ANXA3: variants seen among roughly 807,000 people sequenced by gnomAD.
ANXA3 encodes the protein annexin A3.
Under a neutral mutation model 48.8 loss-of-function variants are expected in ANXA3, and 46 were observed. The ratio of observed to expected loss-of-function variants is 0.94; its 90% CI spans 0.74 to 1.21. ANXA3 has a LOEUF of 1.21. Ranked by LOEUF, ANXA3 falls within the 50% of genes most tolerant of loss-of-function variation. The pLI, the probability that ANXA3 is intolerant of heterozygous loss-of-function variation, is 0.00. For synonymous variants in ANXA3, 128 were observed against 134.7 expected (o/e 0.95, Z 0.35); for missense variants, 383 against 378.6 (o/e 1.01, Z -0.10).
Position 78,573,019 on chromosome 4 carries a change from T to A in ANXA3, c.16-161T>A, listed in dbSNP as rs983121605. 4 of 742,852 alleles carry A rather than the reference T, an allele frequency of 5.4e-6. No homozygotes were observed. In the South Asian group the frequency reaches 5.5e-5, roughly 10 times the overall value. The allele number at this position is 742,852 out of a possible 1,614,324, so 46.0% of individuals were successfully genotyped here. ...CCATGTCAGATTTCTCTTACTGTCA[T>A]AATTTTCCAAAGGCAATTTCAGAGC... On this transcript the variant is annotated intron_variant, in intron 2 of 12. Coordinates refer to ENST00000264908, the MANE Select transcript of ANXA3 (RefSeq NM_005139.3).
intron 6 of ANXA3, among the ~76,000 whole-genome samples, chr4:78,591,015 T>C (rs116098390): frequency 4.9e-4 from 74 of 152,306 alleles, no homozygotes; most frequent in African/African-American, 1.7e-3. Context: ...AGTTCACATG[T>C]AAGGCAGTTG....
intron 11 of ANXA3, 151 bp from the exon 12 acceptor site, chr4:78,604,126 G>A (rs1406286641): frequency 2.8e-6 from 2 of 704,318 alleles, no homozygotes; most frequent in Non-Finnish European, 4.2e-6. Context: ...AATATTTCTT[G>A]AATAATGAAT....
intron 2 of ANXA3, among the ~76,000 whole-genome samples, chr4:78,557,392 C>T (rs139316182): frequency 8.2e-4 from 125 of 152,294 alleles, no homozygotes; most frequent in Non-Finnish European, 1.1e-3. Context: ...ACGGGCTAAT[C>T]CCTGTGTTTT....
intron 2 of ANXA3, among the ~76,000 whole-genome samples, chr4:78,571,580 A>T (rs1722841449): frequency 6.6e-6 from 1 of 152,218 alleles, no homozygotes; most frequent in Non-Finnish European, 1.5e-5. Context: ...AGAGAGCCAA[A>T]ATGAACCCAT....
intron 5 of ANXA3, among the ~76,000 whole-genome samples, chr4:78,583,613 GAAA>G (rs531781049): frequency 1.8e-5 from 2 of 112,246 alleles, no homozygotes; most frequent in African/African-American, 3.1e-5. Flanking sequence ...TGCTGTCTCA[GAAA>G]AAAAAAAAAA....
At chr4:78,603,122 A>G (rs1723577960) in intron 11 of ANXA3, 1 of 152,132 alleles carries the variant, frequency 6.6e-6, no homozygotes, top group South Asian at 2.1e-4. Flanking sequence ...CATATTTCTG[A>G]TCACTATTTA....
At chr4:78,572,756 G>A (rs1274380670) in intron 2 of ANXA3, among the ~76,000 whole-genome samples, 1 of 152,172 alleles carries the variant, frequency 6.6e-6, no homozygotes, top group East Asian at 1.9e-4. Context: ...CAAATATTGT[G>A]ACCTCCAGAA....
chr4:78,554,625 G>A lies in ANXA3; in HGVS notation c.15+137G>A, dbSNP rs374720807. ...AAATTAACATGCTAGAAAAGCCAGA[G>A]GATGTCAAAAATAATAAAATATTTT... is the stretch of plus-strand genomic sequence containing the variant. On this transcript the variant is annotated intron_variant, in intron 2 of 12. Transcript: ENST00000264908. 4 of 682,492 alleles carry A rather than the reference G, an allele frequency of 5.9e-6. No individual in the cohort carries two copies. The South Asian group carries it at 7.6e-5, about 13-fold the overall frequency. The allele number at this position is 682,492 out of a possible 1,614,324, so 42.3% of individuals were successfully genotyped here. A position where few individuals can be genotyped will look rare whatever the true frequency, so the allele number is the denominator to read the frequency against.
intron 1 of ANXA3, among the ~76,000 whole-genome samples, chr4:78,553,502 T>C (rs974865948): frequency 7.9e-5 from 12 of 152,128 alleles, no homozygotes; most frequent in African/African-American, 2.9e-4. Flanking sequence ...AGAGGCAAAA[T>C]GAGAACCAAT....
chr4:78,578,635 GT>G (rs1322103453), intron 3 of ANXA3, among the ~76,000 whole-genome samples: 1 of 152,052 alleles, frequency 6.6e-6, no homozygotes, highest in Non-Finnish European at 1.5e-5. Context: ...GTTGGTTCCT[GT>G]TTTCCAGAGG....
intron 3 of ANXA3, among the ~76,000 whole-genome samples, chr4:78,575,159 CAT>C (rs1445747989): frequency 6.6e-6 from 1 of 152,126 alleles, no homozygotes; most frequent in Non-Finnish European, 1.5e-5. Context: ...CTTCCACTTT[CAT>C]ATGTCAATAA....
intron 2 of ANXA3, among the ~76,000 whole-genome samples, chr4:78,563,563 C>A (rs1387164486): frequency 6.6e-6 from 1 of 152,058 alleles, no homozygotes. Flanking sequence ...CAGAAGGTGC[C>A]GTATATGAAC....
intron 3 of ANXA3, among the ~76,000 whole-genome samples, chr4:78,577,137 C>T (rs535897627): frequency 6.6e-6 from 1 of 152,068 alleles, no homozygotes; most frequent in African/African-American, 2.4e-5. Context: ...TTTACTTAGG[C>T]AGTAGTTTAC....
chr4:78,563,948 C>T (rs1313753477), intron 2 of ANXA3, among the ~76,000 whole-genome samples: 2 of 152,110 alleles, frequency 1.3e-5, no homozygotes, highest in Admixed American at 6.5e-5. Context: ...TCTTTGTGAC[C>T]CTTGGCCAAG....
chr4:78,564,380 TCG>T (rs1722687113), intron 2 of ANXA3, among the ~76,000 whole-genome samples: 1 of 152,144 alleles, frequency 6.6e-6, no homozygotes, highest in Non-Finnish European at 1.5e-5. Context: ...AAGCAACTCA[TCG>T]GGCAGCCAAC....
intron 7 of ANXA3, among the ~76,000 whole-genome samples, chr4:78,594,371 C>T (rs1260674268): frequency 1.3e-5 from 2 of 152,166 alleles, no homozygotes; most frequent in African/African-American, 4.8e-5. Context: ...TTTGTATGGA[C>T]ATGTTTTCAA....
chr4:78,583,317 G>C (rs1723110805), intron 5 of ANXA3, among the ~76,000 whole-genome samples: 1 of 152,062 alleles, frequency 6.6e-6, no homozygotes, highest in Non-Finnish European at 1.5e-5. Context: ...ACTTCAGTCT[G>C]GGTGACAGTG....
At chr4:78,603,468 T>A (rs968048232) in intron 11 of ANXA3, 1 of 152,224 alleles carries the variant, frequency 6.6e-6, no homozygotes, top group Non-Finnish European at 1.5e-5. Flanking sequence ...ATTTTCTCCA[T>A]CCCTACTGCC....
intron 5 of ANXA3, among the ~76,000 whole-genome samples, chr4:78,585,161 G>A (rs1177152427): frequency 6.6e-6 from 1 of 152,220 alleles, no homozygotes; most frequent in Non-Finnish European, 1.5e-5. Context: ...TGAAATCTGA[G>A]CATTGTTTCT....
Sources: allele counts gnomAD v4.1 joint callset (sites outside exome capture counted in the v4.1 genomes callset), GRCh38; gene constraint gnomAD v4.1.1; transcripts MANE v1.5; gene names NCBI Gene and HGNC (gene_info 2026-07-23, HGNC 2026-07-21).